STX8: variants seen among roughly 807,000 people sequenced by gnomAD.
STX8 encodes syntaxin-8.
In STX8, 23 loss-of-function variants were observed where a neutral mutation model predicts 37.5. The observed-to-expected ratio is 0.61, with a 90% CI of 0.44 to 0.87. The LOEUF (loss-of-function observed/expected upper bound fraction) is 0.87, where lower values mean the gene tolerates loss of function less well. Among genes scored for constraint, STX8 ranks in the 40% least tolerant of loss-of-function variants. The pLI, the probability that STX8 is intolerant of heterozygous loss-of-function variation, is 0.00. For missense variants in STX8, 313 were observed against 284.7 expected (o/e 1.10, Z -0.71); for synonymous variants, 115 against 99.1 (o/e 1.16, Z -0.95).
chr17:9,395,704 C>T (rs1056808896), intron 6 of STX8, among the ~76,000 whole-genome samples: 2 of 152,168 alleles, frequency 1.3e-5, no homozygotes, highest in Non-Finnish European at 2.9e-5. Context: ...TAGTGACAGG[C>T]TTTGGCCTTC....
At chr17:9,464,921 C>A (rs1357357271) in intron 6 of STX8, 1 of 152,104 alleles carries the variant, frequency 6.6e-6, no homozygotes, top group South Asian at 2.1e-4. Flanking sequence ...CAGGGTTTCA[C>A]CATGTTGGCC....
intron 4 of STX8, among the ~76,000 whole-genome samples, chr17:9,528,184 G>A (rs996071793): frequency 2.6e-5 from 4 of 152,312 alleles, no homozygotes; most frequent in African/African-American, 9.6e-5. Flanking sequence ...AGTTGTATAA[G>A]CATAGATAAA....
chr17:9,260,364 C>A (rs139860386), intron 7 of STX8, among the ~76,000 whole-genome samples: 4,381 of 152,194 alleles, frequency 0.029, 216 homozygotes, highest in African/African-American at 0.1. Context: ...TGGCTCACAC[C>A]TGTAATCCCA....
At chr17:9,509,783 T>G (rs947812973) in intron 4 of STX8, among the ~76,000 whole-genome samples, 3 of 151,694 alleles carry the variant, frequency 2.0e-5, no homozygotes, top group Non-Finnish European at 4.4e-5. Context: ...AATAATAACC[T>G]TGAATGTAAG....
intron 6 of STX8, among the ~76,000 whole-genome samples, chr17:9,475,862 A>G (rs544936177): frequency 6.6e-6 from 1 of 152,314 alleles, no homozygotes; most frequent in South Asian, 2.1e-4. Flanking sequence ...TTCCCACTCA[A>G]GAAAGAAGCC....
chr17:9,270,331 G>A (rs958778042), intron 7 of STX8, among the ~76,000 whole-genome samples: 8 of 152,104 alleles, frequency 5.3e-5, no homozygotes, highest in South Asian at 2.1e-4. Flanking sequence ...TGCAAGCACC[G>A]CCGTCTCCTG....
intron 6 of STX8, among the ~76,000 whole-genome samples, chr17:9,487,813 C>T (rs1037702408): frequency 3.9e-5 from 6 of 152,188 alleles, no homozygotes; most frequent in Admixed American, 6.5e-5. Flanking sequence ...TGTATATACA[C>T]GTCGCCACGT....
chr17:9,476,522 G>A (rs1289916153), intron 6 of STX8, among the ~76,000 whole-genome samples: 4 of 150,702 alleles, frequency 2.7e-5, no homozygotes, highest in South Asian at 4.2e-4. Context: ...GCACAATCTC[G>A]GCTCACTGCA....
chr17:9,260,357 C>G (rs1409270500), intron 7 of STX8, among the ~76,000 whole-genome samples: 1 of 152,088 alleles, frequency 6.6e-6, no homozygotes, highest in Non-Finnish European at 1.5e-5. Context: ...GGCGCGGTGG[C>G]TCACACCTGT....
At chr17:9,288,144 A>AAACAAAC (rs1567769200) in intron 7 of STX8, among the ~76,000 whole-genome samples, 1 of 42,780 alleles carries the variant, frequency 2.3e-5, no homozygotes, top group Non-Finnish European at 3.9e-5. Flanking sequence ...AACAAACAAA[A>AAACAAAC]AAAAAAAAAA....
At chr17:9,525,586 T>A (rs1191093592) in intron 4 of STX8, among the ~76,000 whole-genome samples, 3 of 152,050 alleles carry the variant, frequency 2.0e-5, no homozygotes, top group African/African-American at 7.2e-5. Context: ...GACCTCATGA[T>A]CTACCCGCCT....
At chr17:9,347,765 C>T (rs1323203895) in intron 7 of STX8, among the ~76,000 whole-genome samples, 1 of 152,174 alleles carries the variant, frequency 6.6e-6, no homozygotes, top group East Asian at 1.9e-4. Flanking sequence ...AAAAGGAAAC[C>T]TCATACCCAT....
At chr17:9,401,851 T>C (rs966585538) in intron 6 of STX8, among the ~76,000 whole-genome samples, 1 of 152,208 alleles carries the variant, frequency 6.6e-6, no homozygotes, top group Non-Finnish European at 1.5e-5. Context: ...AGAGGTTTTC[T>C]CTACTTTACA....
At chr17:9,368,232 T>C (rs947784980) in intron 7 of STX8, among the ~76,000 whole-genome samples, 3 of 150,454 alleles carry the variant, frequency 2.0e-5, no homozygotes, top group African/African-American at 2.4e-5. Flanking sequence ...GGGCCAGGCA[T>C]GGTGGCTCAC....
chr17:9,396,766 T>C (rs1228921216), intron 6 of STX8, among the ~76,000 whole-genome samples: 7 of 149,326 alleles, frequency 4.7e-5, no homozygotes, highest in Non-Finnish European at 1.0e-4. Context: ...ACAGGTGACA[T>C]TATGCATGTA....
chr17:9,415,891 T>C (rs1022913398), intron 6 of STX8, among the ~76,000 whole-genome samples: 4 of 152,216 alleles, frequency 2.6e-5, no homozygotes, highest in African/African-American at 9.6e-5. Flanking sequence ...CAAAATAACA[T>C]ACTAACCCAT....
At chr17:9,408,916 C>T (rs1463399560) in intron 6 of STX8, among the ~76,000 whole-genome samples, 2 of 152,108 alleles carry the variant, frequency 1.3e-5, no homozygotes, top group African/African-American at 2.4e-5. Flanking sequence ...TTAGGACAGA[C>T]GTGCACTAGG....
intron 4 of STX8, among the ~76,000 whole-genome samples, chr17:9,518,919 C>G (rs1477207888): frequency 6.6e-6 from 1 of 151,718 alleles, no homozygotes; most frequent in Non-Finnish European, 1.5e-5. Flanking sequence ...GACATTCATT[C>G]TATGCCCAGC....
chr17:9,562,661 C>G (rs1000886739), intron 2 of STX8, among the ~76,000 whole-genome samples: 2 of 151,670 alleles, frequency 1.3e-5, no homozygotes, highest in Admixed American at 1.3e-4. Flanking sequence ...ACACACTCCA[C>G]TTGACTCATT....
Sources: allele counts gnomAD v4.1 joint callset (sites outside exome capture counted in the v4.1 genomes callset), GRCh38; gene constraint gnomAD v4.1.1; transcripts MANE v1.5; gene names NCBI Gene and HGNC (gene_info 2026-07-23, HGNC 2026-07-21).